The following BEND4 variants were observed in gnomAD, a reference collection of about 807,000 sequenced individuals.
BEND4 encodes the protein BEN domain-containing protein 4.
A neutral mutation model predicts 54.7 loss-of-function variants in BEND4; 27 were observed. The ratio of observed to expected loss-of-function variants is 0.49; its 90% confidence interval spans 0.36 to 0.68. The LOEUF (loss-of-function observed/expected upper bound fraction) is 0.68, where lower values mean the gene tolerates loss of function less well. BEND4 is among the 30% of genes least tolerant of loss of function. BEND4 has a pLI of 0.00. For missense variants in BEND4, 702 were observed against 697.2 expected, an observed-to-expected ratio of 1.01 and a Z score of -0.08; for synonymous variants, 327 against 299.5, an observed-to-expected ratio of 1.09 and a Z score of -0.95.
In BEND4 at chr4:42,151,815, T is replaced by C; in HGVS notation, c.329A>G (p.Gln110Arg). 7.0e-7 allele frequency: 1 copy of C among 1,423,040 alleles called. No individual in the cohort carries two copies. Among genetic ancestry groups the C allele is most frequent in the African/African-American group, 1.5e-5 (1 of 65,162 alleles). 88.2% of individuals were successfully genotyped at this position (1,423,040 alleles called of 1,614,324 possible). A position where few individuals can be genotyped will look rare whatever the true frequency, so the allele number is the denominator to read the frequency against. The change falls in exon 2 of 6, where the codon CAG (glutamine) becomes CGG (arginine). Residue 110 changes from glutamine (Q) to arginine (R), a missense_variant. Transcript: ENST00000502486. ...SSPSCTPATS[Q>R]GHLRTPAQPP... ...CTGCGCCGGAGTCCTCAAGTGGCCC[T>C]GGGATGTGGCGGGCGTGCAGGACGG...
chr4:42,130,453 C>G (rs1445400404), intron 3 of BEND4, among the ~76,000 whole-genome samples: 2 of 133,402 alleles, frequency 1.5e-5, no homozygotes, highest in African/African-American at 6.0e-5. Context: ...GCACTCCAGT[C>G]TGGGCGACAG....
chr4:42,131,216 A>C (rs1174400211), intron 3 of BEND4, among the ~76,000 whole-genome samples: 2 of 152,182 alleles, frequency 1.3e-5, no homozygotes, highest in East Asian at 3.8e-4. Context: ...TGTATCCCGG[A>C]ACTTAAAATA....
At chr4:42,118,671 G>T (rs753052243) in intron 5 of BEND4, among the ~76,000 whole-genome samples, 10 of 152,226 alleles carry the variant, frequency 6.6e-5, no homozygotes, top group Non-Finnish European at 1.5e-4. Context: ...AAATGATACA[G>T]CGATGAGACC....
rs267600158 is a variant in BEND4, at chr4:42,117,614, G to C, written c.1509C>G (p.Phe503Leu). 5 of 1,613,232 alleles carry C rather than the reference G, an allele frequency of 3.1e-6. No individual in the cohort carries two copies. The Admixed American group carries it at 5.0e-5, about 16-fold the overall frequency. Residue 503 changes from phenylalanine to leucine, a missense_variant, in exon 6 of 6, where the codon TTC (phenylalanine) becomes TTG (leucine). Coordinates refer to ENST00000502486, the MANE Select transcript of BEND4 (RefSeq NM_207406.4). ...HARQGRAVGT[F>L]LHNGGSFYEG... ...CATAAAATGAGCCACCGTTGTGCAGGAAAGTCCCCACCGCCCGCCCCTGTC... is the reference window on the plus strand; with the variant it reads ...CATAAAATGAGCCACCGTTGTGCAGCAAAGTCCCCACCGCCCGCCCCTGTC...
chr4:42,147,972 A>C (rs1347182748), intron 2 of BEND4, among the ~76,000 whole-genome samples: 1 of 152,200 alleles, frequency 6.6e-6, no homozygotes, highest in African/African-American at 2.4e-5. Context: ...ACAGTAGTCA[A>C]GATTAGTGGT....
rs1719586404 is a variant in BEND4 at position 42,111,912 on chromosome 4, C to A, written c.*5606G>T. The A allele has an allele frequency of 6.6e-6, 1 of 152,170 alleles. No homozygotes were observed. Among genetic ancestry groups the A allele is most frequent in the Admixed American group, 6.5e-5 (1 of 15,280 alleles). 9.4% of individuals were successfully genotyped at this position (152,170 alleles called of 1,614,324 possible). On this transcript the variant is annotated 3_prime_UTR_variant, in exon 6 of 6. Transcript: ENST00000502486. ...AACTCGTGATTTTAATTTTAATTTA[C>A]CTACTTTTAAAAAAAGTTTTCTGGT...
At chr4:42,125,419 T>C (rs940969496) in intron 4 of BEND4, among the ~76,000 whole-genome samples, 164 bp downstream of exon 4, 2 of 152,256 alleles carry the variant, frequency 1.3e-5, no homozygotes, top group African/African-American at 4.8e-5. Flanking sequence ...GTTAAATACA[T>C]GCGTGATCTT....
chr4:42,125,518 A>G lies in BEND4; in HGVS notation c.1146+65T>C, dbSNP rs148987720. On this transcript the variant is annotated intron_variant, in intron 4 of 5. Transcript: ENST00000502486. ...AGCCAGTCTGTTCTGGTATACACTG[A>G]TAAGTTAATCAAGATACTTAAGAGA... The G allele has an allele frequency of 3.5e-4, 441 of 1,269,350 alleles. No individual in the cohort carries two copies. In the East Asian group the frequency reaches 8.1e-3, roughly 23 times the overall value. The allele number at this position is 1,269,350 out of a possible 1,614,324, so 78.6% of individuals were successfully genotyped here. A position where few individuals can be genotyped will look rare whatever the true frequency, so the allele number is the denominator to read the frequency against.
chr4:42,122,172 C>G (rs745958204), intron 4 of BEND4, among the ~76,000 whole-genome samples: 24 of 152,230 alleles, frequency 1.6e-4, no homozygotes, highest in Non-Finnish European at 3.1e-4. Context: ...GCCCCAAGCA[C>G]TTTGCACACT....
At chr4:42,118,162 T>C (rs1000234016) in intron 5 of BEND4, among the ~76,000 whole-genome samples, 1 of 152,168 alleles carries the variant, frequency 6.6e-6, no homozygotes, top group African/African-American at 2.4e-5. Flanking sequence ...CAGCTACTAA[T>C]TTGAAGATAG....
At chr4:42,121,790 G>C (rs1026214377) in intron 4 of BEND4, among the ~76,000 whole-genome samples, 2 of 152,164 alleles carry the variant, frequency 1.3e-5, no homozygotes, top group African/African-American at 2.4e-5. Flanking sequence ...GAAAGCTGTC[G>C]AACTGAGAGG....
At position 42,143,849 on chromosome 4, in the gene BEND4, T is replaced by C. The variant is rs1179266074; in HGVS notation, c.633A>G (p.Arg211=). ...CTTTCCCAATGTGACAGTGCTCCTG[T>C]CTTTCGTTGTAACTTGAGCCTTCCT... is the stretch of plus-strand genomic sequence containing the variant. ...VKQEGSSYNE[R]QEHCHIGKGV... The change falls in exon 3 of 6, where the codon AGA becomes AGG. Residue 211 remains arginine (R), a synonymous_variant. Transcript: ENST00000502486. 6.4e-7 allele frequency: 1 copy of C among 1,562,460 alleles called. No individual in the cohort carries two copies. Among genetic ancestry groups the C allele is most frequent in the South Asian group, 1.2e-5 (1 of 80,366 alleles).
At chr4:42,123,192 T>C (rs914002161) in intron 4 of BEND4, among the ~76,000 whole-genome samples, 5 of 152,214 alleles carry the variant, frequency 3.3e-5, no homozygotes, top group African/African-American at 1.2e-4. Flanking sequence ...TTTAGCATAG[T>C]TAATAAGTAA....
chr4:42,144,109 T>C, intron 2 of BEND4, 115 bp from the exon 3 acceptor site: 2 of 786,722 alleles, frequency 2.5e-6, no homozygotes, highest in Non-Finnish European at 4.3e-6. Flanking sequence ...TTCTACTGTC[T>C]GTCATAAACC....
rs1721293960 is a variant in BEND4, at chr4:42,151,712, C to T, written c.432G>A (p.Ala144=). The T allele has an allele frequency of 2.0e-6, 3 of 1,502,654 alleles. No homozygotes were observed. Among genetic ancestry groups the T allele is most frequent in the Non-Finnish European group, 2.7e-6 (3 of 1,130,656 alleles). 93.1% of individuals were successfully genotyped at this position (1,502,654 alleles called of 1,614,324 possible). A position where few individuals can be genotyped will look rare whatever the true frequency, so the allele number is the denominator to read the frequency against. ...TACCCGTGCCGCCGGTGCCGGCGGC[C>T]GCCGCCGCGCCTGGGCCATACCTGA... ...AVVRYGPGAA[A]AAGTGGTGSD... is the part of the protein sequence containing the mutation. Residue 144 remains alanine (A), a synonymous_variant, in exon 2 of 6, where the codon GCG becomes GCA. Coordinates refer to ENST00000502486, the MANE Select transcript of BEND4 (RefSeq NM_207406.4).
At chr4:42,142,231 G>C (rs568142961) in intron 3 of BEND4, among the ~76,000 whole-genome samples, 99 of 151,458 alleles carry the variant, frequency 6.5e-4, no homozygotes, top group African/African-American at 2.3e-3. Flanking sequence ...TTTTAGCAAT[G>C]ACCACGCAAT....
rs183575482 is a variant in BEND4 at position 42,143,656 on chromosome 4, G to C, written c.826C>G (p.Leu276Val). The change falls in exon 3 of 6, where the codon CTG becomes GTG. Residue 276 changes from leucine (L) to valine (V), a missense_variant. Coordinates refer to ENST00000502486, the MANE Select transcript of BEND4 (RefSeq NM_207406.4). ...NPSSASEYGH[L>V]ADVDPLSTSP... The stretch of plus-strand genomic sequence containing the variant: ...GTTGACAGAGGATCCACGTCGGCCA[G>C]ATGGCCATATTCACTGGCTGACGAG... The C allele has an allele frequency of 2.4e-5, 38 of 1,613,972 alleles. 1 individual carries two copies. The highest frequency in any genetic ancestry group is 2.1e-4 in the African/African-American group (16 of 75,058).
At chr4:42,133,176 C>T (rs1329737856) in intron 3 of BEND4, among the ~76,000 whole-genome samples, 1 of 152,164 alleles carries the variant, frequency 6.6e-6, no homozygotes, top group Non-Finnish European at 1.5e-5. Context: ...TCCACAGAGG[C>T]CACTTACATG....
chr4:42,151,157 G>C (rs1721258537), intron 2 of BEND4: 1 of 152,652 alleles, frequency 6.6e-6, no homozygotes, highest in African/African-American at 2.4e-5. Context: ...GCGACAGCGT[G>C]AGAGTGCATC....
Sources: gnomAD v4.1 joint callset for allele counts (sites outside exome capture counted in the v4.1 genomes callset) on GRCh38, gnomAD v4.1.1 for gene constraint, MANE v1.5 for transcripts, NCBI Gene and HGNC (gene_info 2026-07-23, HGNC 2026-07-21) for gene names.